COBLL1: variants seen among roughly 807,000 people sequenced by gnomAD.
COBLL1 encodes cordon-bleu WH2 repeat protein like 1.
In COBLL1, 50 loss-of-function variants were observed where a neutral mutation model predicts 94.8. The ratio of observed to expected loss-of-function variants is 0.53; its 90% confidence interval spans 0.42 to 0.67. COBLL1 has a LOEUF of 0.67. COBLL1 is among the 30% of genes least tolerant of loss of function. The pLI is 0.00. For missense variants in COBLL1, 1,362 were observed against 1,348.7 expected, an observed-to-expected ratio of 1.01 and a Z score of -0.15; for synonymous variants, 448 against 473.8, an observed-to-expected ratio of 0.95 and a Z score of 0.71.
At chr2:164,679,629 T>C (rs909406988), downstream of COBLL1, among the ~76,000 whole-genome samples, 2 of 151,984 alleles carry the variant, frequency 1.3e-5, no homozygotes, top group Admixed American at 6.6e-5. Context: ...GGTAGAGAAC[T>C]GGTATTTAAA....
chr2:164,805,700 G>C lies in COBLL1; in HGVS notation c.41+35456C>G, dbSNP rs148267062. 3.4e-3 allele frequency among the ~76,000 whole-genome samples: 511 copies of C among 151,664 alleles called. 1 individual carries two copies. Among genetic ancestry groups the C allele is most frequent in the Admixed American group, 5.6e-3 (86 of 15,234 alleles). ...TTTATCGTGAATATTTCATTGTATG[G>C]GTATACCACAGTTTGTGTATCCATT... On this transcript the variant is annotated intron_variant, in intron 2 of 13. Coordinates refer to ENST00000652658, the MANE Select transcript of COBLL1 (RefSeq NM_001365672.2).
At chr2:164,786,454 G>A (rs1688960128) in intron 2 of COBLL1, among the ~76,000 whole-genome samples, 1 of 152,166 alleles carries the variant, frequency 6.6e-6, no homozygotes, top group Non-Finnish European at 1.5e-5. Flanking sequence ...AGATGTTGAA[G>A]TAGAACTGAG....
chr2:164,668,956 T>C (rs1271975086), intron 1 of COBLL1, among the ~76,000 whole-genome samples: 1 of 152,216 alleles, frequency 6.6e-6, no homozygotes, highest in Non-Finnish European at 1.5e-5. Context: ...GGTATGAACA[T>C]TTACAGTACA....
chr2:164,704,498 C>A lies in COBLL1; in HGVS notation c.1171G>T (p.Val391Phe). 5 of 1,613,432 alleles carry A rather than the reference C, an allele frequency of 3.1e-6. No individual in the cohort carries two copies. Among genetic ancestry groups the A allele is most frequent in the Non-Finnish European group, 4.2e-6 (5 of 1,179,384 alleles). ...GCTTCTGAAGCACTGTCTGGAGGAA[C>A]TCCATCTACTGGCTGTAAGGCTAAA... is the stretch of plus-strand genomic sequence containing the variant. ...RVTALQPVDG[V>F]PPDSASEANS... is the part of the protein sequence containing the mutation. Residue 391 changes from valine to phenylalanine, a missense_variant, in exon 9 of 14, where the codon GTT becomes TTT. By Grantham distance (50) the Val-to-Phe change is conservative. Transcript: ENST00000652658.
Position 164,722,110 on chromosome 2 carries a change from T to C in COBLL1, c.961A>G (p.Ile321Val), listed in dbSNP as rs745903103. Residue 321 changes from isoleucine (I) to valine (V), a missense_variant, in exon 7 of 14, where the codon ATA (isoleucine) becomes GTA (valine). Physicochemically the swap from Ile to Val is conservative, Grantham distance 29. Coordinates refer to ENST00000652658, the MANE Select transcript of COBLL1 (RefSeq NM_001365672.2). Reference protein sequence around the residue: ...AHIQERPASCIVKSMSVDETD... With the variant: ...AHIQERPASCVVKSMSVDETD... ...TCATCCACGCTCATGGATTTCACTA[T>C]ACAAGAAGCAGGCCTCTCCTGGATG... is the stretch of plus-strand genomic sequence containing the variant. The C allele has an allele frequency of 3.1e-6, 5 of 1,612,304 alleles. No individual in the cohort carries two copies. The highest frequency in any genetic ancestry group is 4.2e-6 in the Non-Finnish European group (5 of 1,179,176).
At chr2:164,800,600 A>G (rs1683720327) in intron 2 of COBLL1, 1 of 701,174 alleles carries the variant, frequency 1.4e-6, no homozygotes, top group South Asian at 1.5e-5. Context: ...TTGAAATGAA[A>G]ATACTGTACT....
intron 2 of COBLL1, among the ~76,000 whole-genome samples, chr2:164,778,661 A>C (rs1004324099): frequency 5.3e-5 from 8 of 152,210 alleles, no homozygotes; most frequent in Non-Finnish European, 1.0e-4. Flanking sequence ...ATCTAAAATC[A>C]GTAAAACAGG....
intron 2 of COBLL1, among the ~76,000 whole-genome samples, chr2:164,816,649 A>G (rs899540005): frequency 6.6e-6 from 1 of 152,230 alleles, no homozygotes; most frequent in East Asian, 1.9e-4. Flanking sequence ...ATAAAAATAT[A>G]TATCTTTCAT....
intron 13 of COBLL1, among the ~76,000 whole-genome samples, chr2:164,689,417 T>C (rs1683476277): frequency 6.6e-6 from 1 of 152,154 alleles, no homozygotes; most frequent in South Asian, 2.1e-4. Flanking sequence ...AATATAATTG[T>C]TGTTCTATAA....
rs1239554243 is a variant in COBLL1 at position 164,685,323 on chromosome 2, T to C, written c.*623A>G. 6.6e-6 allele frequency: 1 copy of C among 152,122 alleles called. No homozygotes were observed. The highest frequency in any genetic ancestry group is 2.4e-5 in the African/African-American group (1 of 41,446). The allele number at this position is 152,122 out of a possible 1,614,324, so 9.4% of individuals were successfully genotyped here. On this transcript the variant is annotated 3_prime_UTR_variant, in exon 14 of 14. Transcript: ENST00000652658. ...TAAAAAAACAAGAGTTCCATGTTAA[T>C]AAAATATTAAAATACTATGAGCTTC...
At chr2:164,719,741 C>T (rs772095979) in intron 7 of COBLL1, among the ~76,000 whole-genome samples, 1 of 152,084 alleles carries the variant, frequency 6.6e-6, no homozygotes, top group African/African-American at 2.4e-5. Flanking sequence ...AGGTCAGAAT[C>T]ACAGGTTTTG....
chr2:164,744,244 A>G (rs1458848546), intron 2 of COBLL1, among the ~76,000 whole-genome samples: 1 of 152,160 alleles, frequency 6.6e-6, no homozygotes, highest in Non-Finnish European at 1.5e-5. Context: ...GATAGAGATC[A>G]GTATCTCACT....
At chr2:164,767,860 G>A (rs900640307) in intron 2 of COBLL1, among the ~76,000 whole-genome samples, 5 of 152,096 alleles carry the variant, frequency 3.3e-5, no homozygotes, top group African/African-American at 9.6e-5. Flanking sequence ...ATTAAAATAA[G>A]CAATTGTAAA....
chr2:164,829,698 G>C (rs893255778), intron 2 of COBLL1, among the ~76,000 whole-genome samples: 2 of 151,856 alleles, frequency 1.3e-5, no homozygotes, highest in Admixed American at 1.3e-4. Context: ...ATATGAACAG[G>C]GGGTATTACC....
At chr2:164,805,324 T>TATATAA in intron 2 of COBLL1, among the ~76,000 whole-genome samples, 1 of 57,058 alleles carries the variant, frequency 1.8e-5, no homozygotes, top group Non-Finnish European at 3.5e-5. Flanking sequence ...TCTCTCTCTC[T>TATATAA]CTCTCTCTCT....
chr2:164,827,124 T>C (rs1322528071), intron 2 of COBLL1, among the ~76,000 whole-genome samples: 1 of 152,090 alleles, frequency 6.6e-6, no homozygotes, highest in Non-Finnish European at 1.5e-5. Context: ...TTATTTTGTA[T>C]TTTTAGTAGA....
chr2:164,818,283 T>G (rs946503398), intron 2 of COBLL1, among the ~76,000 whole-genome samples: 1 of 147,148 alleles, frequency 6.8e-6, no homozygotes, highest in Non-Finnish European at 1.5e-5. Flanking sequence ...TATGTATACA[T>G]ATATGTATGT....
intron 2 of COBLL1, among the ~76,000 whole-genome samples, chr2:164,790,542 T>C (rs568422052): frequency 2.0e-5 from 3 of 152,322 alleles, no homozygotes; most frequent in East Asian, 1.9e-4. Context: ...AATTAACCTA[T>C]AGTAAAACTG....
intron 2 of COBLL1, among the ~76,000 whole-genome samples, chr2:164,828,434 C>A (rs940094706): frequency 4.6e-5 from 7 of 151,892 alleles, no homozygotes; most frequent in African/African-American, 1.7e-4. Flanking sequence ...CAATAGGAGA[C>A]TGGTTATATA....
Sources: allele counts gnomAD v4.1 joint callset (sites outside exome capture counted in the v4.1 genomes callset), GRCh38; gene constraint gnomAD v4.1.1; transcripts MANE v1.5; gene names NCBI Gene and HGNC (gene_info 2026-07-23, HGNC 2026-07-21).